The following TSC22D2 variants were observed in gnomAD, a reference collection of about 807,000 sequenced individuals.
The protein encoded by TSC22D2 is TSC22 domain family protein 2.
In TSC22D2, 5 loss-of-function variants were observed where a neutral mutation model predicts 50.1. The ratio of observed to expected loss-of-function variants is 0.10; its 90% CI spans 0.05 to 0.21. TSC22D2 has a LOEUF of 0.21. Among genes scored for constraint, TSC22D2 ranks in the 10% least tolerant of loss-of-function variants. The pLI is 1.00. For missense variants in TSC22D2, 1,003 were observed against 1,015.5 expected (o/e 0.99, Z 0.17); for synonymous variants, 501 against 450.1 (o/e 1.11, Z -1.43).
At chr3:150,437,845 A>G (rs1720595662) in intron 1 of TSC22D2, among the ~76,000 whole-genome samples, 1 of 150,036 alleles carries the variant, frequency 6.7e-6, no homozygotes, top group Non-Finnish European at 1.5e-5. Flanking sequence ...AAATAAAATA[A>G]GAAACTCATA....
chr3:150,438,659 C>A (rs1173198094), intron 1 of TSC22D2, among the ~76,000 whole-genome samples: 2 of 151,642 alleles, frequency 1.3e-5, no homozygotes, highest in African/African-American at 4.8e-5. Context: ...AGTGAAGAAC[C>A]CAAATACTTT....
intron 1 of TSC22D2, among the ~76,000 whole-genome samples, chr3:150,444,705 C>T (rs1260500726): frequency 2.0e-5 from 3 of 151,982 alleles, no homozygotes; most frequent in African/African-American, 7.3e-5. Context: ...GAATTATTAC[C>T]TAAAAGAATT....
intron 1 of TSC22D2, among the ~76,000 whole-genome samples, chr3:150,452,244 G>A (rs371552170): frequency 1.0e-3 from 154 of 152,204 alleles, no homozygotes; most frequent in African/African-American, 3.6e-3. Context: ...TCGGGAGTTC[G>A]AGACCAGCCT....
chr3:150,431,141 C>T lies in TSC22D2; in HGVS notation c.1958+19833C>T, dbSNP rs562839353. Among the ~76,000 whole-genome samples, 318 of 137,920 alleles carry T rather than the reference C, an allele frequency of 2.3e-3. 2 individuals carry two copies. The highest frequency in any genetic ancestry group is 3.5e-3 in the Non-Finnish European group (230 of 65,708). The allele number at this position is 137,920 out of a possible 152,430, so 90.5% of individuals were successfully genotyped here. On this transcript the variant is annotated intron_variant, in intron 1 of 2. Transcript: ENST00000688009. ...TCGGGAGGCTGAGGCAAGAGAATAG[C>T]GTGAACTCAGGAGGCAGAGCTTGCA... is the stretch of plus-strand genomic sequence containing the variant.
In TSC22D2 at chr3:150,410,719, G is replaced by A. The variant is rs1268127973; in HGVS notation, c.1369G>A (p.Val457Met). The A allele has an allele frequency of 6.9e-6, 11 of 1,589,188 alleles. No homozygotes were observed. Among genetic ancestry groups the A allele is most frequent in the Non-Finnish European group, 9.4e-6 (11 of 1,168,732 alleles). Reference sequence around the variant, plus strand: ...GGTCGCGCCTTGTCAGCCGACTGGAGTGCCCCCGGCTACTGTGGGAGGCGT... The same window carrying A: ...GGTCGCGCCTTGTCAGCCGACTGGAATGCCCCCGGCTACTGTGGGAGGCGT... ...GQVAPCQPTG[V>M]PPATVGGVVQ... The change falls in exon 1 of 3, where the codon GTG becomes ATG. Residue 457 changes from valine to methionine, a missense_variant. This residue lies in a region of TSC22D2 where 696 missense variants were observed against 647.8 expected (regional missense o/e 1.07). Coordinates refer to ENST00000688009, the MANE Select transcript of TSC22D2 (RefSeq NM_001303264.2).
At chr3:150,417,512 G>A (rs1010458064) in intron 1 of TSC22D2, among the ~76,000 whole-genome samples, 2 of 152,116 alleles carry the variant, frequency 1.3e-5, no homozygotes, top group Non-Finnish European at 2.9e-5. Flanking sequence ...GACCATTACA[G>A]AGACAGTAGA....
rs1721377482 is a variant in TSC22D2 at position 150,460,870 on chromosome 3, G to GAAATGAATAATAAGGTTTAAAA, written c.*2235_*2256dup. 1 of 152,078 alleles carries GAAATGAATAATAAGGTTTAAAA rather than the reference G, an allele frequency of 6.6e-6. No individual in the cohort carries two copies. The highest frequency in any genetic ancestry group is 1.5e-5 in the Non-Finnish European group (1 of 68,002). 9.4% of individuals were successfully genotyped at this position (152,078 alleles called of 1,614,324 possible). A position where few individuals can be genotyped will look rare whatever the true frequency, so the allele number is the denominator to read the frequency against. ...CATAAACAAAGTAATAGTCTCCAAG[G>GAAATGAATAATAAGGTTTAAAA]AAATGAATAATAAGGTTTAAAATGG... On this transcript the variant is annotated 3_prime_UTR_variant, in exon 3 of 3. Coordinates refer to ENST00000688009, the MANE Select transcript of TSC22D2 (RefSeq NM_001303264.2).
At position 150,410,984 on chromosome 3, in the gene TSC22D2, C is replaced by G; in HGVS notation, c.1634C>G (p.Thr545Arg). The G allele has an allele frequency of 4.3e-6, 7 of 1,614,218 alleles. No individual in the cohort carries two copies. The highest frequency in any genetic ancestry group is 5.1e-6 in the Non-Finnish European group (6 of 1,180,038). Reference sequence around the variant, plus strand: ...CAGTCGCAACAGCTGAGCAGCCATACGCCAGTCAGCAGGAGCAGCAGCATA... The same window carrying G: ...CAGTCGCAACAGCTGAGCAGCCATAGGCCAGTCAGCAGGAGCAGCAGCATA... ...LAQSQQLSSH[T>R]PVSRSSSIIQ... Residue 545 changes from threonine to arginine, a missense_variant, in exon 1 of 3, where the codon ACG (threonine) becomes AGG (arginine). Thr to Arg is a moderately conservative substitution (Grantham distance 71). Transcript: ENST00000688009.
chr3:150,465,304 A>G lies in TSC22D2; in HGVS notation c.*6668A>G, dbSNP rs1279687167. The G allele has an allele frequency of 6.6e-6, 1 of 152,186 alleles. No individual in the cohort carries two copies. The highest frequency in any genetic ancestry group is 2.4e-5 in the African/African-American group (1 of 41,450). The allele number at this position is 152,186 out of a possible 1,614,324, so 9.4% of individuals were successfully genotyped here. A position where few individuals can be genotyped will look rare whatever the true frequency, so the allele number is the denominator to read the frequency against. ...ATGCACATAAGCAAAGAACTTTACA[A>G]ATAGGTTATAAAGAGAAGCTCAATC... is the stretch of plus-strand genomic sequence containing the variant. On this transcript the variant is annotated 3_prime_UTR_variant, in exon 3 of 3. Coordinates refer to ENST00000688009, the MANE Select transcript of TSC22D2 (RefSeq NM_001303264.2).
At chr3:150,415,289 A>G (rs1327251002) in intron 1 of TSC22D2, among the ~76,000 whole-genome samples, 5 of 152,218 alleles carry the variant, frequency 3.3e-5, no homozygotes, top group Admixed American at 3.3e-4. Context: ...GCACTAAATC[A>G]TATAGGCCAA....
chr3:150,453,984 A>G (rs1256705117), intron 1 of TSC22D2, among the ~76,000 whole-genome samples: 1 of 152,234 alleles, frequency 6.6e-6, no homozygotes, highest in Non-Finnish European at 1.5e-5. Flanking sequence ...CAATTGGCAT[A>G]TAATCCTTAT....
chr3:150,411,453 T>G, intron 1 of TSC22D2, 145 bp downstream of exon 1: 4 of 828,290 alleles, frequency 4.8e-6, no homozygotes, highest in Admixed American at 5.8e-5. Flanking sequence ...TGATTTAGAT[T>G]GCTGATGCTG....
chr3:150,458,836 C>T lies in TSC22D2; in HGVS notation c.*200C>T. 1.6e-6 allele frequency: 1 copy of T among 628,574 alleles called. No individual in the cohort carries two copies. Among genetic ancestry groups the T allele is most frequent in the Non-Finnish European group, 2.7e-6 (1 of 367,440 alleles). The allele number at this position is 628,574 out of a possible 1,614,324, so 38.9% of individuals were successfully genotyped here. ...GCGCTGTTGATGTCCAGTTCTATGT[C>T]ATCAGTACACAAGGAGAATAATAGA... On this transcript the variant is annotated 3_prime_UTR_variant, in exon 3 of 3. Coordinates refer to ENST00000688009, the MANE Select transcript of TSC22D2 (RefSeq NM_001303264.2).
chr3:150,411,840 A>T (rs2108057868), intron 1 of TSC22D2, among the ~76,000 whole-genome samples: 1 of 152,336 alleles, frequency 6.6e-6, no homozygotes, highest in East Asian at 1.9e-4. Context: ...TTTGAAGATC[A>T]TACTTAGTTC....
intron 1 of TSC22D2, among the ~76,000 whole-genome samples, chr3:150,414,203 C>G (rs1433982137): frequency 3.3e-5 from 5 of 152,194 alleles, no homozygotes; most frequent in African/African-American, 1.2e-4. Context: ...GTTTATCTTT[C>G]TGGCCATTTT....
chr3:150,411,104 A>G lies in TSC22D2; in HGVS notation c.1754A>G (p.Gln585Arg). 6.2e-7 allele frequency: 1 copy of G among 1,614,188 alleles called. No individual in the cohort carries two copies. The highest frequency in any genetic ancestry group is 2.2e-5 in the East Asian group (1 of 44,878). ...CTAAGCCAGTTTCAAACTCAGACCC[A>G]GCCTTTAGTCGGGCAAGTCGACGAT... ...SDLSQFQTQT[Q>R]PLVGQVDDTR... The change falls in exon 1 of 3, where the codon CAG (glutamine) becomes CGG (arginine). Residue 585 changes from glutamine to arginine, a missense_variant. Gln to Arg is a conservative substitution (Grantham distance 43). Coordinates refer to ENST00000688009, the MANE Select transcript of TSC22D2 (RefSeq NM_001303264.2).
chr3:150,434,193 G>A (rs1197119790), intron 1 of TSC22D2, among the ~76,000 whole-genome samples: 3 of 151,106 alleles, frequency 2.0e-5, no homozygotes, highest in African/African-American at 4.9e-5. Flanking sequence ...CTGTCACCCA[G>A]GCTGGAATGC....
intron 1 of TSC22D2, among the ~76,000 whole-genome samples, chr3:150,454,093 G>T (rs1190832006): frequency 6.6e-6 from 1 of 152,140 alleles, no homozygotes; most frequent in Non-Finnish European, 1.5e-5. Context: ...CTGCCTTTTT[G>T]CACTATAAAA....
chr3:150,450,803 C>T lies in TSC22D2; in HGVS notation c.1959-6273C>T, dbSNP rs112186753. ...ATTTATTCCTTTGTAATCAGTGACT[C>T]GCATTTTCTTAATTTTCTTTCTAAA... On this transcript the variant is annotated intron_variant, in intron 1 of 2. Coordinates refer to ENST00000688009, the MANE Select transcript of TSC22D2 (RefSeq NM_001303264.2). 2.7e-3 allele frequency among the ~76,000 whole-genome samples: 404 copies of T among 152,096 alleles called. 1 individual carries two copies. Among genetic ancestry groups the T allele is most frequent in the African/African-American group, 9.3e-3 (386 of 41,522 alleles).
Sources: gnomAD v4.1 joint callset for allele counts (sites outside exome capture counted in the v4.1 genomes callset) on GRCh38, gnomAD v4.1.1 for gene constraint, gnomAD v4.1.1 regional missense constraint, MANE v1.5 for transcripts, NCBI Gene and HGNC (gene_info 2026-07-23, HGNC 2026-07-21) for gene names.